The following CACNA2D1 variants were observed in gnomAD, a reference collection of about 807,000 sequenced individuals.
The protein encoded by CACNA2D1 is voltage-dependent calcium channel subunit alpha-2/delta-1.
A neutral mutation model predicts 171.5 loss-of-function variants in CACNA2D1; 53 were observed. That is an observed-to-expected ratio of 0.31 (90% CI 0.25 to 0.39). The LOEUF is 0.39. CACNA2D1 is among the 10% of genes least tolerant of loss of function. The probability of loss-of-function intolerance (pLI) is 1.00; values close to 1 mark genes in which losing one functional copy is unlikely to be tolerated. For synonymous variants in CACNA2D1, 442 were observed against 443.1 expected, an observed-to-expected ratio of 1.00 and a Z score of 0.03; for missense variants, 903 against 1,299.8, an observed-to-expected ratio of 0.69 and a Z score of 4.69.
chr7:82,284,601 A>G (rs533903739), intron 3 of CACNA2D1, among the ~76,000 whole-genome samples: 1 of 152,280 alleles, frequency 6.6e-6, no homozygotes, highest in African/African-American at 2.4e-5. Context: ...GATGGCACCT[A>G]GTTACTGAGT....
Position 82,100,784 on chromosome 7 carries a change from G to A in CACNA2D1, c.527-15884C>T, listed in dbSNP as rs139490580. ...AATTTTGAGAATGTTACCCACAAAG[G>A]TATATTTTATTTTAGACCAAGATTG... On this transcript the variant is annotated intron_variant, in intron 6 of 38. Transcript: ENST00000356860. Among the ~76,000 whole-genome samples the A allele has an allele frequency of 6.7e-3, 1,018 of 151,276 alleles. 6 individuals carry two copies. The highest frequency in any genetic ancestry group is 9.5e-3 in the Non-Finnish European group (645 of 67,824).
intron 4 of CACNA2D1, among the ~76,000 whole-genome samples, chr7:82,143,557 T>A: frequency 6.6e-6 from 1 of 152,154 alleles, no homozygotes; most frequent in East Asian, 1.9e-4. Flanking sequence ...AAATTACTAG[T>A]TGTTGTCATG....
At chr7:82,386,658 G>A (rs1040140411) in intron 1 of CACNA2D1, among the ~76,000 whole-genome samples, 10 of 151,922 alleles carry the variant, frequency 6.6e-5, no homozygotes, top group Admixed American at 3.3e-4. Context: ...ACTTGAACTC[G>A]AGAGGCGGAG....
rs1373733874 is a variant in CACNA2D1, at chr7:82,388,933, T to C, written c.96-39284A>G. On this transcript the variant is annotated intron_variant, in intron 1 of 38. Coordinates refer to ENST00000356860, the MANE Select transcript of CACNA2D1 (RefSeq NM_000722.4). ...GAGTTTGGGACCAGCCTAGCCAACATAGCAAAACCCTGTCTCTACTAAAAA... is the reference window on the plus strand; with the variant it reads ...GAGTTTGGGACCAGCCTAGCCAACACAGCAAAACCCTGTCTCTACTAAAAA... Among the ~76,000 whole-genome samples the C allele has an allele frequency of 2.0e-5, 3 of 151,500 alleles. No homozygotes were observed. The East Asian group carries it at 5.8e-4, about 29-fold the overall frequency.
At chr7:82,009,120 G>C (rs1191812283) in intron 15 of CACNA2D1, 1 of 152,104 alleles carries the variant, frequency 6.6e-6, no homozygotes, top group Admixed American at 6.6e-5. Flanking sequence ...TCTCGTGATA[G>C]TGAGTAATTT....
intron 6 of CACNA2D1, among the ~76,000 whole-genome samples, chr7:82,101,840 T>C (rs1394406493): frequency 1.3e-5 from 2 of 152,228 alleles, no homozygotes; most frequent in African/African-American, 4.8e-5. Flanking sequence ...TAGTACATGT[T>C]AGTTCAATTA....
At chr7:81,984,464 A>G in intron 22 of CACNA2D1, among the ~76,000 whole-genome samples, 171 bp downstream of exon 22, 1 of 152,170 alleles carries the variant, frequency 6.6e-6, no homozygotes, top group East Asian at 1.9e-4. Context: ...CATGTAGAAT[A>G]TTTCTTGTTC....
At chr7:82,038,431 C>T (rs537790458) in intron 10 of CACNA2D1, among the ~76,000 whole-genome samples, 196 bp from the exon 11 acceptor site, 56 of 152,276 alleles carry the variant, frequency 3.7e-4, no homozygotes, top group South Asian at 8.3e-4. Flanking sequence ...CATACTGGAA[C>T]GCTGAGTCTG....
chr7:81,970,239 T>C (rs760749932), intron 27 of CACNA2D1, among the ~76,000 whole-genome samples: 1 of 151,468 alleles, frequency 6.6e-6, no homozygotes, highest in Non-Finnish European at 1.5e-5. Context: ...AGTAAGTTAA[T>C]AGGTCAATTA....
Position 81,958,049 on chromosome 7 carries a change from G to A in CACNA2D1, c.3159+1226C>T, listed in dbSNP as rs564272234. 6.6e-5 allele frequency among the ~76,000 whole-genome samples: 10 copies of A among 151,936 alleles called. No homozygotes were observed. In the South Asian group the frequency reaches 2.1e-3, roughly 32 times the overall value. On this transcript the variant is annotated intron_variant, in intron 38 of 38. Transcript: ENST00000356860. Reference sequence around the variant, plus strand: ...TTTACATGGGCAACGTGCTGAAGTTGCAGTAGACAGAATAACAGGAGTCCG... The same window carrying A: ...TTTACATGGGCAACGTGCTGAAGTTACAGTAGACAGAATAACAGGAGTCCG...
chr7:82,340,343 T>G (rs1482659044), intron 2 of CACNA2D1, among the ~76,000 whole-genome samples: 1 of 125,620 alleles, frequency 8.0e-6, no homozygotes, highest in Non-Finnish European at 1.8e-5. Flanking sequence ...TGTTTTTTGT[T>G]TTTTTTTTTT....
intron 3 of CACNA2D1, among the ~76,000 whole-genome samples, chr7:82,185,597 A>T: frequency 7.0e-6 from 1 of 143,728 alleles, no homozygotes; most frequent in South Asian, 2.3e-4. Flanking sequence ...GTGCAGTGTA[A>T]GGGTAGGAAT....
At chr7:82,396,856 T>A (rs984965920) in intron 1 of CACNA2D1, among the ~76,000 whole-genome samples, 4 of 152,216 alleles carry the variant, frequency 2.6e-5, no homozygotes, top group Admixed American at 2.6e-4. Flanking sequence ...TACCTCCTCA[T>A]TGAAAAGAAC....
intron 12 of CACNA2D1, among the ~76,000 whole-genome samples, chr7:82,016,621 C>A (rs59657829): frequency 1.2e-4 from 4 of 32,808 alleles, no homozygotes; most frequent in African/African-American, 8.2e-4. Flanking sequence ...CCCCCCCCCC[C>A]CAAAAAAAAA....
intron 6 of CACNA2D1, among the ~76,000 whole-genome samples, chr7:82,097,971 G>C (rs955342753): frequency 1.3e-5 from 2 of 151,606 alleles, no homozygotes; most frequent in Admixed American, 1.3e-4. Flanking sequence ...AAAATTACTC[G>C]GGCATGGTGG....
chr7:82,144,903 T>C (rs556244509), intron 4 of CACNA2D1, among the ~76,000 whole-genome samples: 1 of 146,104 alleles, frequency 6.8e-6, no homozygotes, highest in Non-Finnish European at 1.5e-5. Flanking sequence ...TTCAATAATG[T>C]ATGGATTATA....
At chr7:82,410,526 G>A in intron 1 of CACNA2D1, 1 of 985,396 alleles carries the variant, frequency 1.0e-6, no homozygotes, top group Non-Finnish European at 1.2e-6. Context: ...GTGGTCTGAA[G>A]GTGCACGCTA....
intron 1 of CACNA2D1, among the ~76,000 whole-genome samples, chr7:82,435,119 T>G (rs1160982197): frequency 7.3e-6 from 1 of 137,624 alleles, no homozygotes; most frequent in African/African-American, 2.7e-5. Context: ...CACTGCAACA[T>G]CCGCCTCCCG....
chr7:82,153,842 C>T (rs896204984), intron 4 of CACNA2D1, among the ~76,000 whole-genome samples: 1 of 139,138 alleles, frequency 7.2e-6, no homozygotes, highest in South Asian at 2.3e-4. Context: ...TTAGAGCAAA[C>T]TATAAAAAAA....
Sources: gnomAD v4.1 joint callset for allele counts (sites outside exome capture counted in the v4.1 genomes callset) on GRCh38, gnomAD v4.1.1 for gene constraint, MANE v1.5 for transcripts, NCBI Gene and HGNC (gene_info 2026-07-23, HGNC 2026-07-21) for gene names.